Variants in KCNQ5 observed in about 807,000 individuals in gnomAD.
The protein encoded by KCNQ5 is potassium voltage-gated channel subfamily KQT member 5.
A neutral mutation model predicts 98.2 loss-of-function variants in KCNQ5; 30 were observed. The observed-to-expected ratio is 0.31, with a 90% CI of 0.23 to 0.41. The LOEUF (loss-of-function observed/expected upper bound fraction) is 0.41. KCNQ5 is among the 10% of genes least tolerant of loss of function. KCNQ5 has a pLI of 1.00. For missense variants in KCNQ5, 835 were observed against 1,182.5 expected (o/e 0.71, Z 4.31); for synonymous variants, 458 against 449.4 (o/e 1.02, Z -0.24).
intron 10 of KCNQ5, among the ~76,000 whole-genome samples, chr6:73,149,107 A>G (rs1777037449): frequency 6.6e-6 from 1 of 152,200 alleles, no homozygotes; most frequent in Non-Finnish European, 1.5e-5. Flanking sequence ...GCTATGGTAG[A>G]GTGTCATGAA....
chr6:72,672,028 G>T (rs1767142128), intron 1 of KCNQ5, among the ~76,000 whole-genome samples: 1 of 151,870 alleles, frequency 6.6e-6, no homozygotes, highest in South Asian at 2.1e-4. Context: ...GTGTTAGCCA[G>T]GATGGTCTCA....
intron 2 of KCNQ5, among the ~76,000 whole-genome samples, chr6:73,016,028 A>G (rs1770323881): frequency 6.6e-6 from 1 of 152,154 alleles, no homozygotes; most frequent in Non-Finnish European, 1.5e-5. Context: ...AGCAATGAAC[A>G]AAACAGCCAA....
chr6:72,809,904 C>A (rs1775161200), intron 1 of KCNQ5, among the ~76,000 whole-genome samples: 1 of 152,170 alleles, frequency 6.6e-6, no homozygotes, highest in Admixed American at 6.5e-5. Context: ...ACACAAAATA[C>A]CTCTTCCAGG....
chr6:72,848,267 C>T (rs887026487), intron 1 of KCNQ5, among the ~76,000 whole-genome samples: 1 of 151,766 alleles, frequency 6.6e-6, no homozygotes, highest in African/African-American at 2.4e-5. Flanking sequence ...ATACGTGTGC[C>T]ATGGTGGTTT....
intron 3 of KCNQ5, chr6:73,055,865 C>G (rs1294808561): frequency 3.1e-6 from 2 of 647,294 alleles, no homozygotes; most frequent in Admixed American, 3.8e-5. Context: ...TGAAGGCCAG[C>G]AAACAGGCAC....
intron 1 of KCNQ5, among the ~76,000 whole-genome samples, chr6:72,666,826 G>C (rs1024678435): frequency 6.6e-6 from 1 of 152,100 alleles, no homozygotes; most frequent in South Asian, 2.1e-4. Flanking sequence ...AACTTATTAA[G>C]TATATTCATG....
intron 1 of KCNQ5, among the ~76,000 whole-genome samples, chr6:72,668,559 C>T (rs1766941484): frequency 6.6e-6 from 1 of 151,914 alleles, no homozygotes; most frequent in Non-Finnish European, 1.5e-5. Context: ...CAGGTGTAAC[C>T]AGAACTTGGT....
intron 1 of KCNQ5, among the ~76,000 whole-genome samples, chr6:72,640,172 T>C (rs949426425): frequency 2.0e-5 from 3 of 152,052 alleles, no homozygotes; most frequent in African/African-American, 7.2e-5. Context: ...CTGGCAACTT[T>C]GTAGCCAAAG....
chr6:72,946,423 G>C (rs951946830), intron 1 of KCNQ5, among the ~76,000 whole-genome samples: 1 of 151,920 alleles, frequency 6.6e-6, no homozygotes, highest in African/African-American at 2.4e-5. Flanking sequence ...TTTATTACAC[G>C]CTGTAATTCC....
rs564263749 is a variant in KCNQ5 at position 72,956,556 on chromosome 6, T to A, written c.399-47352T>A. The stretch of plus-strand genomic sequence containing the variant: ...TCTTTCTTTCTTTCTTTTATTTTTT[T>A]TATTTTTTTATTTTTTATTTTTTAT... On this transcript the variant is annotated intron_variant, in intron 1 of 13. Coordinates refer to ENST00000370398, the MANE Select transcript of KCNQ5 (RefSeq NM_019842.4). 7.6e-4 allele frequency among the ~76,000 whole-genome samples: 114 copies of A among 150,312 alleles called. 1 individual carries two copies. The highest frequency in any genetic ancestry group is 2.6e-3 in the African/African-American group (106 of 41,180).
At chr6:72,918,052 A>G (rs563935544) in intron 1 of KCNQ5, among the ~76,000 whole-genome samples, 6 of 152,234 alleles carry the variant, frequency 3.9e-5, no homozygotes, top group Admixed American at 2.0e-4. Context: ...GATATTGCCA[A>G]ATATTCCTGG....
At chr6:73,140,277 T>G (rs969674537) in intron 10 of KCNQ5, among the ~76,000 whole-genome samples, 1 of 152,216 alleles carries the variant, frequency 6.6e-6, no homozygotes, top group East Asian at 1.9e-4. Context: ...GGCATCTTCC[T>G]CCCTCATGTT....
At position 72,638,976 on chromosome 6, in the gene KCNQ5, T is replaced by A. The variant is rs141517479; in HGVS notation, c.398+16389T>A. 9.2e-3 allele frequency among the ~76,000 whole-genome samples: 1,405 copies of A among 152,284 alleles called. 12 individuals are homozygous for A. Among genetic ancestry groups the A allele is most frequent in the East Asian group, 0.02 (106 of 5,180 alleles). ...AAGAGATGAAAGAATCAAAATGTTCTTGGTTCCAAGCAAGTGTGACTGTGA... is the reference window on the plus strand; with the variant it reads ...AAGAGATGAAAGAATCAAAATGTTCATGGTTCCAAGCAAGTGTGACTGTGA... On this transcript the variant is annotated intron_variant, in intron 1 of 13. Transcript: ENST00000370398.
At chr6:73,142,300 C>A (rs1776754407) in intron 10 of KCNQ5, among the ~76,000 whole-genome samples, 1 of 152,172 alleles carries the variant, frequency 6.6e-6, no homozygotes, top group Non-Finnish European at 1.5e-5. Flanking sequence ...ATGTTAGAGT[C>A]AGGCTACCAC....
At chr6:72,891,840 T>C (rs1779069661) in intron 1 of KCNQ5, among the ~76,000 whole-genome samples, 1 of 152,202 alleles carries the variant, frequency 6.6e-6, no homozygotes, top group Non-Finnish European at 1.5e-5. Flanking sequence ...ACCTCAAAAA[T>C]CTGATAGTAA....
chr6:72,830,807 A>G (rs1776226416), intron 1 of KCNQ5, among the ~76,000 whole-genome samples: 5 of 152,188 alleles, frequency 3.3e-5, no homozygotes, highest in Admixed American at 2.6e-4. Context: ...AACCTACAGA[A>G]TAGGAGAAAA....
At chr6:73,026,388 TGC>T (rs1770891569) in intron 2 of KCNQ5, among the ~76,000 whole-genome samples, 1 of 152,200 alleles carries the variant, frequency 6.6e-6, no homozygotes, top group Non-Finnish European at 1.5e-5. Context: ...TCAGAGTTTT[TGC>T]ACCAACTGAT....
chr6:72,901,315 G>C (rs1310045825), intron 1 of KCNQ5, among the ~76,000 whole-genome samples: 1 of 151,988 alleles, frequency 6.6e-6, no homozygotes, highest in Admixed American at 6.6e-5. Flanking sequence ...AGTTTATTCT[G>C]CTTACTGTTC....
intron 1 of KCNQ5, among the ~76,000 whole-genome samples, chr6:72,885,662 AT>A (rs1778819826): frequency 6.6e-6 from 1 of 152,208 alleles, no homozygotes; most frequent in Non-Finnish European, 1.5e-5. Flanking sequence ...TTAAAGAGCG[AT>A]TTTGAATTCA....
Sources: allele counts gnomAD v4.1 joint callset (sites outside exome capture counted in the v4.1 genomes callset), GRCh38; gene constraint gnomAD v4.1.1; transcripts MANE v1.5; gene names NCBI Gene and HGNC (gene_info 2026-07-23, HGNC 2026-07-21).